Variants in CDKL2 observed in about 807,000 individuals in gnomAD.
CDKL2 encodes the protein cyclin-dependent kinase-like 2.
Under a neutral mutation model 63.9 loss-of-function variants are expected in CDKL2, and 64 were observed. The observed-to-expected ratio is 1.00, with a 90% CI of 0.82 to 1.23. The LOEUF (loss-of-function observed/expected upper bound fraction) is 1.23, where lower values mean the gene tolerates loss of function less well. Ranked by LOEUF, CDKL2 falls within the 50% of genes most tolerant of loss-of-function variation. CDKL2 has a pLI of 0.00. For missense variants in CDKL2, 656 were observed against 668.0 expected (o/e 0.98, Z 0.20); for synonymous variants, 211 against 229.2 (o/e 0.92, Z 0.72).
intron 12 of CDKL2, among the ~76,000 whole-genome samples, chr4:75,589,223 G>A (rs1309488183): frequency 6.6e-6 from 1 of 151,570 alleles, no homozygotes; most frequent in Non-Finnish European, 1.5e-5. Context: ...GTGAGGATAA[G>A]GCACAACTGA....
At chr4:75,617,956 C>G (rs1435437510) in intron 2 of CDKL2, among the ~76,000 whole-genome samples, 1 of 151,932 alleles carries the variant, frequency 6.6e-6, no homozygotes, top group Non-Finnish European at 1.5e-5. Context: ...CAAAAATTAG[C>G]CAGGCGTGGT....
intron 12 of CDKL2, among the ~76,000 whole-genome samples, chr4:75,587,349 G>A (rs956562769): frequency 6.6e-6 from 1 of 152,060 alleles, no homozygotes; most frequent in African/African-American, 2.4e-5. Context: ...AGTAACTCGG[G>A]AGGCTGAGGC....
intron 2 of CDKL2, among the ~76,000 whole-genome samples, chr4:75,618,345 G>C (rs1730019973): frequency 8.0e-6 from 1 of 124,434 alleles, no homozygotes; most frequent in African/African-American, 3.1e-5. Context: ...TCCTCCGCCT[G>C]CCAGGTTCAA....
In CDKL2 at chr4:75,583,565, C is replaced by G. The variant is rs1310126847; in HGVS notation, c.1648-1667G>C. On this transcript the variant is annotated intron_variant, in intron 12 of 13. Coordinates refer to ENST00000307465, the MANE Select transcript of CDKL2 (RefSeq NM_001330724.2). ...ACAGCAATCTTACAGACAGCTGCAA[C>G]CCCCAGGGATACAATAAAGGCTCCA... 5.3e-5 allele frequency among the ~76,000 whole-genome samples: 8 copies of G among 152,256 alleles called. No individual in the cohort carries two copies. The South Asian group carries it at 1.0e-3, about 20-fold the overall frequency.
In CDKL2 at chr4:75,600,810, C is replaced by T. The variant is rs541765294; in HGVS notation, c.796-441G>A. On this transcript the variant is annotated intron_variant, in intron 6 of 13. Transcript: ENST00000307465. ...CAAGGATAAAGAATAAAGCACAAAT[C>T]TAGACAATGACCGTCAGTGGTTGCT... 1.5e-3 allele frequency among the ~76,000 whole-genome samples: 228 copies of T among 152,258 alleles called. 1 individual carries two copies. The highest frequency in any genetic ancestry group is 5.4e-3 in the African/African-American group (223 of 41,552).
In CDKL2 at chr4:75,580,990, G is replaced by A. The variant is rs541302137; in HGVS notation, c.*23+820C>T. 1.5e-3 allele frequency among the ~76,000 whole-genome samples: 232 copies of A among 152,252 alleles called. 1 individual carries two copies. The highest frequency in any genetic ancestry group is 5.3e-3 in the African/African-American group (222 of 41,572). ...GCTGGGATTACAGGCGTGAGCCACC[G>A]CGCCCAGCCTTGGCTTTTTTAATAC... On this transcript the variant is annotated intron_variant, in intron 13 of 13. Transcript: ENST00000307465.
intron 13 of CDKL2, among the ~76,000 whole-genome samples, chr4:75,580,757 G>A: frequency 6.8e-6 from 1 of 146,664 alleles, no homozygotes; most frequent in African/African-American, 2.5e-5. Flanking sequence ...CTGGAGTGCA[G>A]TGGCGCGATC....
chr4:75,577,040 A>G lies in CDKL2; in HGVS notation c.*2162T>C, dbSNP rs540963999. 5.9e-4 allele frequency among the ~76,000 whole-genome samples: 90 copies of G among 152,306 alleles called. No individual in the cohort carries two copies. The highest frequency in any genetic ancestry group is 2.1e-3 in the African/African-American group (89 of 41,588). ...CAGATTTAAAACTTATTTGTTAAATACCATACAGTAGTGTATATATTATTT... is the reference window on the plus strand; with the variant it reads ...CAGATTTAAAACTTATTTGTTAAATGCCATACAGTAGTGTATATATTATTT... On this transcript the variant is annotated 3_prime_UTR_variant, in exon 14 of 14. Coordinates refer to ENST00000307465, the MANE Select transcript of CDKL2 (RefSeq NM_001330724.2).
intron 6 of CDKL2, 106 bp downstream of exon 6, chr4:75,603,710 AT>A (rs201838027): frequency 0.011 from 7,466 of 710,024 alleles, 19 homozygotes; most frequent in Non-Finnish European, 0.011. Flanking sequence ...GCAAGACTCC[AT>A]CAAAAAAAAA....
intron 13 of CDKL2, 78 bp from the exon 14 acceptor site, chr4:75,579,256 T>C (rs1213083313): frequency 6.6e-6 from 1 of 152,254 alleles, no homozygotes. Context: ...TCACTTGCTT[T>C]CTCACATCGT....
intron 5 of CDKL2, among the ~76,000 whole-genome samples, chr4:75,605,069 C>T (rs978732571): frequency 2.0e-5 from 3 of 152,248 alleles, no homozygotes; most frequent in East Asian, 1.9e-4. Flanking sequence ...AAAACACACA[C>T]GTGGCTGGGC....
rs375945283 is a variant in CDKL2, at chr4:75,603,505, C to T, written c.795+312G>A. On this transcript the variant is annotated intron_variant, in intron 6 of 13. Transcript: ENST00000307465. ...CAGCACTTTGGGAGGCCGAGGCGGG[C>T]GGATCACGAGGTCAGGAGATTGAGA... is the stretch of plus-strand genomic sequence containing the variant. Among the ~76,000 whole-genome samples, 44 of 149,884 alleles carry T rather than the reference C, an allele frequency of 2.9e-4. No individual in the cohort carries two copies. The East Asian group carries it at 3.8e-3, about 13-fold the overall frequency.
chr4:75,620,981 G>A (rs1038773210), intron 2 of CDKL2, among the ~76,000 whole-genome samples: 1 of 151,166 alleles, frequency 6.6e-6, no homozygotes, highest in Admixed American at 6.6e-5. Flanking sequence ...TGTTGCCAAG[G>A]CTGGAGTGCA....
chr4:75,616,581 T>A (rs931436700), intron 2 of CDKL2, among the ~76,000 whole-genome samples: 2 of 150,814 alleles, frequency 1.3e-5, no homozygotes, highest in Non-Finnish European at 2.9e-5. Context: ...AATGAAGTAA[T>A]CCCAGTTTCT....
chr4:75,603,626 A>C (rs1464872321), intron 6 of CDKL2, among the ~76,000 whole-genome samples, 191 bp downstream of exon 6: 4 of 146,846 alleles, frequency 2.7e-5, no homozygotes, highest in Non-Finnish European at 6.0e-5. Context: ...GCTACTAGAG[A>C]GGTTGAGGCG....
chr4:75,614,234 T>C (rs765948666), intron 3 of CDKL2, 21 bp downstream of exon 3: 31 of 1,477,018 alleles, frequency 2.1e-5, no homozygotes, highest in Non-Finnish European at 2.9e-5. Flanking sequence ...ATAAAGCAAA[T>C]TATTTAAACC....
At chr4:75,593,242 T>C (rs892807403) in intron 10 of CDKL2, among the ~76,000 whole-genome samples, 2 of 151,950 alleles carry the variant, frequency 1.3e-5, no homozygotes, top group African/African-American at 2.4e-5. Flanking sequence ...GAAAACTATA[T>C]GCAAGTACAA....
In CDKL2 at chr4:75,630,325, C is replaced by T. The variant is rs540541470; in HGVS notation, c.-313G>A. On this transcript the variant is annotated 5_prime_UTR_variant, in exon 1 of 14. In the 5' UTR this introduces an upstream ATG that the reference lacks. Transcript: ENST00000307465. Reference sequence around the variant, plus strand: ...CTCACTCTGTCCCCAACCATAGGCACAAAGTCTTGGGAGACAGATACGGCC... The same window carrying T: ...CTCACTCTGTCCCCAACCATAGGCATAAAGTCTTGGGAGACAGATACGGCC... 6.5e-6 allele frequency: 1 copy of T among 152,854 alleles called. No individual in the cohort carries two copies. The highest frequency in any genetic ancestry group is 2.4e-5 in the African/African-American group (1 of 41,588). The allele number at this position is 152,854 out of a possible 1,614,324, so 9.5% of individuals were successfully genotyped here.
intron 3 of CDKL2, among the ~76,000 whole-genome samples, chr4:75,609,220 AGAAAT>A (rs761777683): frequency 2.8e-4 from 42 of 152,336 alleles, no homozygotes; most frequent in Admixed American, 1.1e-3. Context: ...TCAGGCAATT[AGAAAT>A]GTAAAGAGTA....
Sources: gnomAD v4.1 joint callset for allele counts (sites outside exome capture counted in the v4.1 genomes callset) on GRCh38, gnomAD v4.1.1 for gene constraint, MANE v1.5 for transcripts, NCBI Gene and HGNC (gene_info 2026-07-23, HGNC 2026-07-21) for gene names.